The following ERC2 variants were observed in gnomAD, a reference collection of about 807,000 sequenced individuals.
ERC2 encodes the protein ELKS/RAB6-interacting/CAST family member 2.
A neutral mutation model predicts 114.8 loss-of-function variants in ERC2; 42 were observed. The ratio of observed to expected loss-of-function variants is 0.37; its 90% CI spans 0.29 to 0.47. ERC2 has a LOEUF of 0.47. Ranked by LOEUF, ERC2 falls within the 20% of genes least tolerant of loss-of-function variation. The pLI is 0.99. For missense variants in ERC2, 939 were observed against 1,150.7 expected (o/e 0.82, Z 2.66); for synonymous variants, 454 against 425.5 (o/e 1.07, Z -0.82).
At chr3:55,699,680 T>C (rs192227125) in intron 15 of ERC2, among the ~76,000 whole-genome samples, 168 bp from the exon 16 acceptor site, 13 of 152,330 alleles carry the variant, frequency 8.5e-5, no homozygotes, top group Non-Finnish European at 7.4e-5. Flanking sequence ...ACATTAACTT[T>C]GGTGAAAAAA....
At chr3:55,835,982 A>T (rs1285562526) in intron 14 of ERC2, among the ~76,000 whole-genome samples, 1 of 151,636 alleles carries the variant, frequency 6.6e-6, no homozygotes, top group East Asian at 1.9e-4. Flanking sequence ...GAGCCAAATC[A>T]TGAGTGAACT....
chr3:55,796,742 G>A (rs13327002), intron 14 of ERC2, among the ~76,000 whole-genome samples: 4,141 of 152,202 alleles, frequency 0.027, 190 homozygotes, highest in African/African-American at 0.094. Context: ...CTGTTTCTAT[G>A]ATAAAAATTG....
intron 14 of ERC2, among the ~76,000 whole-genome samples, chr3:55,827,623 C>A (rs1003246363): frequency 6.6e-6 from 1 of 152,118 alleles, no homozygotes; most frequent in Non-Finnish European, 1.5e-5. Flanking sequence ...ATGGGGAAAA[C>A]TTGGGCACAA....
chr3:56,013,146 G>A (rs1301078203), intron 8 of ERC2, among the ~76,000 whole-genome samples: 2 of 152,184 alleles, frequency 1.3e-5, no homozygotes, highest in African/African-American at 4.8e-5. Flanking sequence ...AACTCACGGA[G>A]AGGCATTATT....
intron 6 of ERC2, among the ~76,000 whole-genome samples, chr3:56,105,841 C>A (rs1053943104): frequency 6.6e-6 from 1 of 152,122 alleles, no homozygotes; most frequent in Non-Finnish European, 1.5e-5. Context: ...GGTGTGCTAG[C>A]TAAATAGGCA....
At chr3:56,144,275 T>C (rs558240175) in intron 5 of ERC2, among the ~76,000 whole-genome samples, 1 of 152,310 alleles carries the variant, frequency 6.6e-6, no homozygotes. Flanking sequence ...CTCTCTCTCA[T>C]ACATAACAAG....
intron 13 of ERC2, among the ~76,000 whole-genome samples, chr3:55,911,034 C>T (rs1222631623): frequency 6.6e-6 from 1 of 152,210 alleles, no homozygotes; most frequent in African/African-American, 2.4e-5. Context: ...CCTTTCCCTC[C>T]CTCCCTGCGC....
intron 3 of ERC2, among the ~76,000 whole-genome samples, chr3:56,186,114 T>TAAAAAAAAAAA (rs201544979): frequency 1.3e-4 from 13 of 102,538 alleles, no homozygotes; most frequent in Admixed American, 7.4e-4. Context: ...TCAAGAACCT[T>TAAAAAAAAAAA]AAAAAAAAAA....
intron 15 of ERC2, among the ~76,000 whole-genome samples, chr3:55,727,796 T>C (rs980656602): frequency 1.6e-4 from 24 of 152,110 alleles, no homozygotes; most frequent in African/African-American, 5.1e-4. Context: ...CCCAAGAAAT[T>C]GGAGGAGATT....
At chr3:55,908,287 C>A (rs531593523) in intron 13 of ERC2, among the ~76,000 whole-genome samples, 1 of 152,168 alleles carries the variant, frequency 6.6e-6, no homozygotes, top group Non-Finnish European at 1.5e-5. Context: ...TTGAACTACA[C>A]ACATTATAGG....
intron 12 of ERC2, among the ~76,000 whole-genome samples, chr3:55,985,069 A>T (rs2070483719): frequency 6.6e-6 from 1 of 152,202 alleles, no homozygotes; most frequent in African/African-American, 2.4e-5. Context: ...CATTGATGTG[A>T]TGCTTTCTTT....
At chr3:56,286,192 T>A (rs2150335090) in intron 3 of ERC2, among the ~76,000 whole-genome samples, 1 of 152,066 alleles carries the variant, frequency 6.6e-6, no homozygotes, top group Non-Finnish European at 1.5e-5. Flanking sequence ...GGCGGGTGGA[T>A]CACTTAAGGT....
chr3:55,990,433 A>AT (rs201475031), intron 11 of ERC2, among the ~76,000 whole-genome samples: 336 of 151,838 alleles, frequency 2.2e-3, no homozygotes, highest in African/African-American at 7.6e-3. Context: ...CAAAGTTGAG[A>AT]TTTTTTTTTC....
chr3:55,546,719 T>C (rs1008317757), intron 17 of ERC2, among the ~76,000 whole-genome samples: 1 of 152,186 alleles, frequency 6.6e-6, no homozygotes, highest in Non-Finnish European at 1.5e-5. Flanking sequence ...GGGAACTGTC[T>C]ATGCACAGCC....
chr3:56,364,123 A>C (rs190567072), intron 2 of ERC2, among the ~76,000 whole-genome samples: 17 of 152,350 alleles, frequency 1.1e-4, no homozygotes, highest in Admixed American at 4.6e-4. Context: ...ACACTAAGTG[A>C]ATAAGCCTGT....
chr3:55,835,257 C>A (rs1344706158), intron 14 of ERC2, among the ~76,000 whole-genome samples: 2 of 152,148 alleles, frequency 1.3e-5, no homozygotes, highest in South Asian at 2.1e-4. Flanking sequence ...TTTTATGAGG[C>A]CAGCATCATC....
At chr3:56,254,726 A>C (rs1490987051) in intron 3 of ERC2, among the ~76,000 whole-genome samples, 1 of 152,216 alleles carries the variant, frequency 6.6e-6, no homozygotes, top group African/African-American at 2.4e-5. Flanking sequence ...TTGGACAAGT[A>C]AGCTAATTTT....
intron 14 of ERC2, among the ~76,000 whole-genome samples, chr3:55,805,974 G>A (rs2059471774): frequency 6.6e-6 from 1 of 152,144 alleles, no homozygotes; most frequent in African/African-American, 2.4e-5. Context: ...AAGTTCATAT[G>A]AAGCATTACA....
At chr3:56,128,955 A>G (rs2080044905) in intron 6 of ERC2, among the ~76,000 whole-genome samples, 1 of 152,244 alleles carries the variant, frequency 6.6e-6, no homozygotes, top group Non-Finnish European at 1.5e-5. Flanking sequence ...TGTTATAGTC[A>G]TAAGGATTTA....
Sources: gnomAD v4.1 joint callset for allele counts (sites outside exome capture counted in the v4.1 genomes callset) on GRCh38, gnomAD v4.1.1 for gene constraint, MANE v1.5 for transcripts, NCBI Gene and HGNC (gene_info 2026-07-23, HGNC 2026-07-21) for gene names.